Variants in DSCAML1 observed in about 807,000 individuals in gnomAD.
DSCAML1 encodes the protein cell adhesion molecule DSCAML1.
Under a neutral mutation model 200.5 loss-of-function variants are expected in DSCAML1, and 38 were observed. That is an observed-to-expected ratio of 0.19 (90% CI 0.15 to 0.25). The LOEUF (loss-of-function observed/expected upper bound fraction) is 0.25, where lower values mean the gene tolerates loss of function less well. Among genes scored for constraint, DSCAML1 ranks in the 10% least tolerant of loss-of-function variants. The pLI is 1.00. For missense variants in DSCAML1, 2,223 were observed against 2,858.8 expected (o/e 0.78, Z 5.07); for synonymous variants, 1,215 against 1,165.0 (o/e 1.04, Z -0.87).
intron 3 of DSCAML1, among the ~76,000 whole-genome samples, chr11:117,715,510 A>C (rs996352126): frequency 6.6e-6 from 1 of 152,220 alleles, no homozygotes; most frequent in African/African-American, 2.4e-5. Context: ...TGTGCTCGGC[A>C]CTGGGGATGT....
intron 3 of DSCAML1, among the ~76,000 whole-genome samples, chr11:117,591,855 C>T (rs1325050456): frequency 2.6e-5 from 4 of 152,152 alleles, no homozygotes; most frequent in East Asian, 3.9e-4. Flanking sequence ...AGGTGCATCC[C>T]GGCCCCTCAC....
chr11:117,585,742 G>A (rs1444178191), intron 3 of DSCAML1, among the ~76,000 whole-genome samples: 2 of 152,182 alleles, frequency 1.3e-5, no homozygotes, highest in Non-Finnish European at 2.9e-5. Flanking sequence ...GGGAGAACTG[G>A]TGCCTCTGTC....
At chr11:117,625,845 C>T (rs180824256) in intron 3 of DSCAML1, among the ~76,000 whole-genome samples, 297 of 152,306 alleles carry the variant, frequency 2.0e-3, no homozygotes, top group African/African-American at 6.8e-3. Context: ...CAAGGAAGTA[C>T]GGTGCAGATC....
At position 117,519,938 on chromosome 11, in the gene DSCAML1, G is replaced by A. The variant is rs2049855019; in HGVS notation, c.1214-1176C>T. Reference sequence around the variant, plus strand: ...TTCAAGGAGTGCAGACCCACAGGCTGTGACGAGGACACCTGGGGAGGATCC... The same window carrying A: ...TTCAAGGAGTGCAGACCCACAGGCTATGACGAGGACACCTGGGGAGGATCC... On this transcript the variant is annotated intron_variant, in intron 6 of 32. Coordinates refer to ENST00000651296, the MANE Select transcript of DSCAML1 (RefSeq NM_020693.4). 2.0e-5 allele frequency among the ~76,000 whole-genome samples: 3 copies of A among 152,282 alleles called. No individual in the cohort carries two copies. The South Asian group carries it at 6.2e-4, about 31-fold the overall frequency.
intron 11 of DSCAML1, among the ~76,000 whole-genome samples, chr11:117,494,203 C>T (rs988280217): frequency 3.3e-5 from 5 of 152,154 alleles, no homozygotes; most frequent in Non-Finnish European, 5.9e-5. Context: ...CAGGTCATTG[C>T]TGTGAATACC....
chr11:117,548,442 C>T (rs2050414801), intron 3 of DSCAML1, among the ~76,000 whole-genome samples: 1 of 152,206 alleles, frequency 6.6e-6, no homozygotes, highest in Non-Finnish European at 1.5e-5. Flanking sequence ...CCCTGCACCC[C>T]AGCAAGGCCC....
chr11:117,584,287 G>T (rs1014537108), intron 3 of DSCAML1, among the ~76,000 whole-genome samples: 2 of 152,094 alleles, frequency 1.3e-5, no homozygotes, highest in African/African-American at 4.8e-5. Flanking sequence ...TGGGATTCTT[G>T]GTCTGATTCC....
chr11:117,533,254 T>C (rs1182373205), intron 3 of DSCAML1, among the ~76,000 whole-genome samples: 1 of 152,234 alleles, frequency 6.6e-6, no homozygotes, highest in Non-Finnish European at 1.5e-5. Flanking sequence ...AACTCTTTCA[T>C]ATTCCTTGCT....
chr11:117,521,788 G>C (rs539740070), intron 5 of DSCAML1, among the ~76,000 whole-genome samples: 2 of 152,130 alleles, frequency 1.3e-5, no homozygotes, highest in African/African-American at 2.4e-5. Flanking sequence ...GGCCCAGCAG[G>C]CTGTCTCCCA....
chr11:117,531,954 G>A (rs2050087146), intron 4 of DSCAML1, among the ~76,000 whole-genome samples: 1 of 131,956 alleles, frequency 7.6e-6, no homozygotes, highest in Non-Finnish European at 1.6e-5. Context: ...GAGGGAGGGA[G>A]GGAGGGAGGG....
At chr11:117,446,479 C>G (rs555094199) in intron 20 of DSCAML1, among the ~76,000 whole-genome samples, 1 of 152,160 alleles carries the variant, frequency 6.6e-6, no homozygotes, top group Non-Finnish European at 1.5e-5. Context: ...ATGTAAAGAA[C>G]ACTTATAAAT....
intron 1 of DSCAML1, among the ~76,000 whole-genome samples, chr11:117,787,441 C>G (rs1184227377): frequency 6.6e-6 from 1 of 152,114 alleles, no homozygotes; most frequent in Non-Finnish European, 1.5e-5. Flanking sequence ...AACCTAAAAC[C>G]GTGGTTCTCA....
intron 12 of DSCAML1, 118 bp downstream of exon 12, chr11:117,481,845 G>A: frequency 9.0e-7 from 1 of 1,109,898 alleles, no homozygotes; most frequent in South Asian, 1.4e-5. Flanking sequence ...GTACATTTTT[G>A]GGGTGTGGGG....
chr11:117,813,808 T>C (rs1051436789), intron 1 of DSCAML1, among the ~76,000 whole-genome samples: 3 of 152,108 alleles, frequency 2.0e-5, no homozygotes, highest in Non-Finnish European at 4.4e-5. Context: ...GTCCATTCTG[T>C]CTCCATACCA....
intron 8 of DSCAML1, among the ~76,000 whole-genome samples, chr11:117,506,942 G>A (rs2049511398): frequency 6.6e-6 from 1 of 152,156 alleles, no homozygotes; most frequent in African/African-American, 2.4e-5. Context: ...TTGGTTAGAT[G>A]CCTCTGGGCA....
chr11:117,550,897 A>G (rs1002707568), intron 3 of DSCAML1, among the ~76,000 whole-genome samples: 1 of 152,136 alleles, frequency 6.6e-6, no homozygotes, highest in Non-Finnish European at 1.5e-5. Context: ...GCCTGCCTGT[A>G]TCTCTCTCTC....
chr11:117,754,517 G>C (rs2054654711), intron 3 of DSCAML1, among the ~76,000 whole-genome samples: 1 of 152,092 alleles, frequency 6.6e-6, no homozygotes. Flanking sequence ...GGGGGTGTGA[G>C]AATGGACGCA....
chr11:117,620,409 A>T (rs1221448154), intron 3 of DSCAML1, among the ~76,000 whole-genome samples: 1 of 152,024 alleles, frequency 6.6e-6, no homozygotes, highest in Non-Finnish European at 1.5e-5. Context: ...ACCTCCCCTA[A>T]GATTAGATTG....
intron 3 of DSCAML1, among the ~76,000 whole-genome samples, chr11:117,634,156 A>G (rs568935263): frequency 2.0e-5 from 3 of 152,172 alleles, no homozygotes; most frequent in Non-Finnish European, 4.4e-5. Context: ...CGGAGCATCA[A>G]GGACAGGGAG....
Sources: allele counts gnomAD v4.1 joint callset (sites outside exome capture counted in the v4.1 genomes callset), GRCh38; gene constraint gnomAD v4.1.1; transcripts MANE v1.5; gene names NCBI Gene and HGNC (gene_info 2026-07-23, HGNC 2026-07-21).